SH2D4B: variants seen among roughly 807,000 people sequenced by gnomAD.
SH2D4B encodes the protein SH2 domain-containing protein 4B.
Under a neutral mutation model 61.5 loss-of-function variants are expected in SH2D4B, and 45 were observed. The ratio of observed to expected loss-of-function variants is 0.73; its 90% CI spans 0.58 to 0.94. The LOEUF is 0.94. Among genes scored for constraint, SH2D4B ranks in the 40% least tolerant of loss-of-function variants. The pLI, the probability that SH2D4B is intolerant of heterozygous loss-of-function variation, is 0.00. For missense variants in SH2D4B, 572 were observed against 574.2 expected (o/e 1.00, Z 0.04); for synonymous variants, 224 against 220.4 (o/e 1.02, Z -0.14).
chr10:80,595,599 G>A (rs1206413911), intron 4 of SH2D4B, among the ~76,000 whole-genome samples: 1 of 152,118 alleles, frequency 6.6e-6, no homozygotes, highest in African/African-American at 2.4e-5. Flanking sequence ...TTCTATTAAG[G>A]AAAGTTCCCT....
intron 4 of SH2D4B, 64 bp from the exon 5 acceptor site, chr10:80,603,515 C>CA: frequency 7.1e-7 from 1 of 1,401,660 alleles, no homozygotes; most frequent in Non-Finnish European, 9.6e-7. Flanking sequence ...CTTCCTGTCC[C>CA]AGCTGGCGCA....
intron 1 of SH2D4B, among the ~76,000 whole-genome samples, chr10:80,566,414 G>C (rs1841969892): frequency 6.6e-6 from 1 of 151,068 alleles, no homozygotes; most frequent in African/African-American, 2.4e-5. Flanking sequence ...TCCCACCTCA[G>C]CCTCCCGAGT....
In SH2D4B at chr10:80,538,165, G is replaced by T; in HGVS notation, c.-167G>T. The T allele has an allele frequency of 2.1e-6, 1 of 478,338 alleles. No individual in the cohort carries two copies. Among genetic ancestry groups the T allele is most frequent in the South Asian group, 1.1e-4 (1 of 9,494 alleles). The allele number at this position is 478,338 out of a possible 1,614,324, so 29.6% of individuals were successfully genotyped here. A position where few individuals can be genotyped will look rare whatever the true frequency, so the allele number is the denominator to read the frequency against. On this transcript the variant is annotated 5_prime_UTR_variant, in exon 1 of 8. Coordinates refer to ENST00000646907, the MANE Select transcript of SH2D4B (RefSeq NM_001388272.1). The surrounding 1 kb of genome is among the most constrained non-coding windows in gnomAD (Gnocchi z 4.8). Reference sequence around the variant, plus strand: ...TGTCCTGGGTAGAGGAGATGAGTTCGTCGCTGGCTGCAAGCTGAGGCCAAC... The same window carrying T: ...TGTCCTGGGTAGAGGAGATGAGTTCTTCGCTGGCTGCAAGCTGAGGCCAAC...
intron 4 of SH2D4B, among the ~76,000 whole-genome samples, chr10:80,592,474 C>T (rs972713934): frequency 6.6e-6 from 1 of 152,212 alleles, no homozygotes; most frequent in Non-Finnish European, 1.5e-5. Flanking sequence ...CACTGGCTTA[C>T]ACCTATCTTT....
chr10:80,574,072 A>T (rs1460248669), intron 3 of SH2D4B, among the ~76,000 whole-genome samples: 1 of 152,176 alleles, frequency 6.6e-6, no homozygotes, highest in Admixed American at 6.5e-5. Flanking sequence ...ACTTTTATCT[A>T]TATACCTATA....
intron 6 of SH2D4B, among the ~76,000 whole-genome samples, chr10:80,611,608 G>A (rs1049955764): frequency 1.3e-5 from 2 of 152,092 alleles, no homozygotes; most frequent in Non-Finnish European, 2.9e-5. Context: ...TTCTTCAGAC[G>A]TTACTATGGT....
chr10:80,587,130 GTTTTTTTTTTTTTTTGTTTTGTTTTTT>G (rs1210034060), intron 3 of SH2D4B, among the ~76,000 whole-genome samples: 2 of 67,250 alleles, frequency 3.0e-5, no homozygotes, highest in African/African-American at 1.8e-4. Flanking sequence ...TTCCGGCCAC[GTTTTTTTTTTTTTTTGTTTTGTTTTTT>G]TTTTTTTTTT....
chr10:80,642,662 C>T (rs1033563891), intron 7 of SH2D4B, among the ~76,000 whole-genome samples: 2 of 152,170 alleles, frequency 1.3e-5, no homozygotes, highest in African/African-American at 4.8e-5. Flanking sequence ...AGTTTAATTA[C>T]CCATTCTCCT....
chr10:80,625,025 T>C (rs1320539605), intron 6 of SH2D4B, among the ~76,000 whole-genome samples: 1 of 152,254 alleles, frequency 6.6e-6, no homozygotes, highest in Non-Finnish European at 1.5e-5. Flanking sequence ...ATGATCCCTA[T>C]GCTGAATATT....
intron 1 of SH2D4B, among the ~76,000 whole-genome samples, chr10:80,543,663 G>C (rs1470588793): frequency 6.6e-6 from 1 of 152,216 alleles, no homozygotes; most frequent in Non-Finnish European, 1.5e-5. Flanking sequence ...ACTGGGTGAA[G>C]CCAGCTGGGC....
intron 7 of SH2D4B, among the ~76,000 whole-genome samples, chr10:80,642,357 G>A (rs962110513): frequency 2.0e-5 from 3 of 152,206 alleles, no homozygotes; most frequent in Non-Finnish European, 4.4e-5. Context: ...CCTAGAATGA[G>A]GCTGCTGAGT....
intron 6 of SH2D4B, among the ~76,000 whole-genome samples, chr10:80,625,016 T>C (rs1174093586): frequency 1.3e-5 from 2 of 152,224 alleles, no homozygotes; most frequent in East Asian, 1.9e-4. Flanking sequence ...TTAACAGATA[T>C]GATCCCTATG....
intron 7 of SH2D4B, among the ~76,000 whole-genome samples, chr10:80,640,520 C>A (rs541404021): frequency 6.6e-6 from 1 of 152,252 alleles, no homozygotes; most frequent in African/African-American, 2.4e-5. Context: ...TTTCTCTTCT[C>A]GCTTTATTTC....
intron 4 of SH2D4B, among the ~76,000 whole-genome samples, chr10:80,592,006 A>T (rs1471162960): frequency 6.6e-6 from 1 of 152,166 alleles, no homozygotes; most frequent in Non-Finnish European, 1.5e-5. Flanking sequence ...CCTTATTAGC[A>T]ATGTATGAGG....
chr10:80,608,536 G>A lies in SH2D4B; in HGVS notation c.861-888G>A, dbSNP rs759456100. ...CTTAACTATGCTTTCAGTGTAGCCC[G>A]AGTGCAGGGGGGTCTCATGTGTCCA... On this transcript the variant is annotated intron_variant, in intron 5 of 7. Transcript: ENST00000646907. Among the ~76,000 whole-genome samples the A allele has an allele frequency of 2.0e-5, 3 of 152,190 alleles. 1 individual carries two copies. The highest frequency in any genetic ancestry group is 4.1e-4 in the South Asian group (2 of 4,832).
chr10:80,568,555 G>A (rs1488553238), intron 1 of SH2D4B, among the ~76,000 whole-genome samples: 1 of 152,158 alleles, frequency 6.6e-6, no homozygotes, highest in Non-Finnish European at 1.5e-5. Context: ...CATCCTCATG[G>A]TCACCATAAG....
chr10:80,575,689 TG>T (rs1260999549), intron 3 of SH2D4B, among the ~76,000 whole-genome samples: 1 of 151,996 alleles, frequency 6.6e-6, no homozygotes, highest in Non-Finnish European at 1.5e-5. Flanking sequence ...GCAGGAGAAT[TG>T]CTTGAACCCA....
intron 4 of SH2D4B, among the ~76,000 whole-genome samples, chr10:80,589,440 G>T (rs935043570): frequency 2.6e-5 from 4 of 152,202 alleles, no homozygotes; most frequent in African/African-American, 9.6e-5. Context: ...TCGGGAGGCT[G>T]AGGTGGGAGG....
chr10:80,588,968 C>T (rs1842293717), intron 4 of SH2D4B, among the ~76,000 whole-genome samples, 191 bp downstream of exon 4: 1 of 151,986 alleles, frequency 6.6e-6, no homozygotes, highest in Admixed American at 6.6e-5. Context: ...GAAGAGCTTA[C>T]CTGCCTGTTG....
Sources: gnomAD v4.1 joint callset for allele counts (sites outside exome capture counted in the v4.1 genomes callset) on GRCh38, gnomAD v4.1.1 for gene constraint, Gnocchi (gnomAD v3.1) non-coding constraint, MANE v1.5 for transcripts, NCBI Gene and HGNC (gene_info 2026-07-23, HGNC 2026-07-21) for gene names.